SOAT2: variants seen among roughly 807,000 people sequenced by gnomAD.
SOAT2 encodes the protein ACAT-2.
SOAT2 carries 87 observed loss-of-function variants against 76.0 expected under a neutral mutation model. The ratio of observed to expected loss-of-function variants is 1.14; its 90% CI spans 0.96 to 1.37. The LOEUF (loss-of-function observed/expected upper bound fraction) is 1.37, where lower values mean the gene tolerates loss of function less well. Among genes scored for constraint, SOAT2 ranks in the 40% most tolerant of loss-of-function variants. The pLI is 0.00. For synonymous variants in SOAT2, 285 were observed against 275.4 expected (o/e 1.03, Z -0.34); for missense variants, 686 against 682.1 (o/e 1.01, Z -0.06).
chr12:53,108,220 C>T (rs1937964494), intron 5 of SOAT2, among the ~76,000 whole-genome samples: 1 of 152,092 alleles, frequency 6.6e-6, no homozygotes, highest in Non-Finnish European at 1.5e-5. Context: ...GGGTTCCTGG[C>T]CTGTCAGAAA....
chr12:53,122,978 C>T lies in SOAT2; in HGVS notation c.1237-103C>T. On this transcript the variant is annotated intron_variant, in intron 12 of 14. Transcript: ENST00000301466. Reference sequence around the variant, plus strand: ...GGCGGGGGGCTGACCCCCCCACCTCCCTGCCGGACTGGGCGGCTGGCCGGG... The same window carrying T: ...GGCGGGGGGCTGACCCCCCCACCTCTCTGCCGGACTGGGCGGCTGGCCGGG... 7 of 1,307,898 alleles carry T rather than the reference C, an allele frequency of 5.4e-6. No individual in the cohort carries two copies. In the South Asian group the frequency reaches 9.8e-5, roughly 18 times the overall value. 81.0% of individuals were successfully genotyped at this position (1,307,898 alleles called of 1,614,324 possible).
rs1303838303 is a variant in SOAT2 at position 53,107,622 on chromosome 12, C to CTTTTTTTTTTTTT, written c.443+1614_443+1626dup. Among the ~76,000 whole-genome samples the CTTTTTTTTTTTTT allele has an allele frequency of 5.7e-3, 668 of 116,898 alleles. 84 individuals are homozygous for CTTTTTTTTTTTTT. Among genetic ancestry groups the CTTTTTTTTTTTTT allele is most frequent in the African/African-American group, 0.022 (594 of 27,108 alleles). The allele number at this position is 116,898 out of a possible 152,430, so 76.7% of individuals were successfully genotyped here. On this transcript the variant is annotated intron_variant, in intron 5 of 14. Transcript: ENST00000301466. Reference sequence around the variant, plus strand: ...AGACTAGAATTTAACAACAGATGTACTTTTTTTTTTTTTTTTTTGAGACAG... The same window carrying CTTTTTTTTTTTTT: ...AGACTAGAATTTAACAACAGATGTACTTTTTTTTTTTTTTTTTTTTTTTTTTTTTTTGAGACAG...
chr12:53,120,220 A>G (rs1216771555), intron 10 of SOAT2, among the ~76,000 whole-genome samples: 1 of 152,190 alleles, frequency 6.6e-6, no homozygotes, highest in African/African-American at 2.4e-5. Flanking sequence ...CTGTAATCCC[A>G]GCACTTTGGG....
At chr12:53,105,306 C>A in intron 3 of SOAT2, 63 bp downstream of exon 3, 3 of 1,546,486 alleles carry the variant, frequency 1.9e-6, no homozygotes, top group South Asian at 2.4e-5. Context: ...AGAAACATCA[C>A]GTTATGTGCC....
intron 5 of SOAT2, among the ~76,000 whole-genome samples, chr12:53,114,644 C>A (rs2121285053): frequency 6.6e-6 from 1 of 152,244 alleles, no homozygotes; most frequent in Admixed American, 6.5e-5. Flanking sequence ...TTGTTTGAAC[C>A]CGGGAGGCGG....
chr12:53,116,643 C>T (rs1305410979), intron 7 of SOAT2, among the ~76,000 whole-genome samples: 2 of 152,102 alleles, frequency 1.3e-5, no homozygotes, highest in Non-Finnish European at 2.9e-5. Context: ...ACAGGAGGAT[C>T]GTTTGAGCCC....
intron 8 of SOAT2, 23 bp from the exon 9 acceptor site, chr12:53,118,865 CAT>C: frequency 6.2e-7 from 1 of 1,613,570 alleles, no homozygotes; most frequent in Non-Finnish European, 8.5e-7. Context: ...GAATGAGAAA[CAT>C]ATTGTCCCCA....
intron 5 of SOAT2, among the ~76,000 whole-genome samples, chr12:53,107,780 G>C (rs1489186953): frequency 6.6e-6 from 1 of 151,932 alleles, no homozygotes; most frequent in Non-Finnish European, 1.5e-5. Flanking sequence ...GTGTTACTGT[G>C]TTCGGCTCAT....
intron 8 of SOAT2, 86 bp from the exon 9 acceptor site, chr12:53,118,804 G>C (rs1565628524): frequency 1.4e-6 from 2 of 1,454,146 alleles, no homozygotes; most frequent in Non-Finnish European, 1.9e-6. Context: ...GGGAACTGAG[G>C]AGAGAGGGCC....
chr12:53,104,053 C>A, intron 1 of SOAT2, 98 bp from the exon 2 acceptor site: 1 of 1,012,000 alleles, frequency 9.9e-7, no homozygotes, highest in Non-Finnish European at 1.6e-6. Flanking sequence ...GTGAGGGCAG[C>A]TGCTGAGCAC....
chr12:53,116,680 G>A (rs919578826), intron 7 of SOAT2, among the ~76,000 whole-genome samples: 2 of 152,066 alleles, frequency 1.3e-5, no homozygotes, highest in Non-Finnish European at 2.9e-5. Context: ...CCTGAGCAAC[G>A]TAGTGAGATG....
intron 10 of SOAT2, among the ~76,000 whole-genome samples, chr12:53,119,595 G>A (rs1938159750): frequency 6.8e-6 from 1 of 147,472 alleles, no homozygotes; most frequent in Admixed American, 6.7e-5. Context: ...GATCAGATAT[G>A]AACCCTTGAT....
chr12:53,120,905 G>T (rs1364725179), intron 11 of SOAT2, 22 bp downstream of exon 11: 1 of 1,582,500 alleles, frequency 6.3e-7, no homozygotes, highest in East Asian at 2.2e-5. Context: ...ACCTAGGCCA[G>T]TTGGAAGCTG....
intron 10 of SOAT2, 48 bp from the exon 11 acceptor site, chr12:53,120,738 G>T (rs1425587789): frequency 5.8e-6 from 8 of 1,381,930 alleles, no homozygotes; most frequent in Non-Finnish European, 7.2e-6. Context: ...CTGCCTGTGG[G>T]TCCATGTGGG....
rs1439905372 is a variant in SOAT2, at chr12:53,123,223, T to C, written c.1372+7T>C. The C allele has an allele frequency of 6.2e-7, 1 of 1,613,594 alleles. No individual in the cohort carries two copies. Among genetic ancestry groups the C allele is most frequent in the Non-Finnish European group, 8.5e-7 (1 of 1,179,898 alleles). ...CTCTTCCTTGTCATTGGAGGTGAGC[T>C]GGTCTCTGTGCCACTGGAAGGGAGC... On this transcript the variant is annotated splice_region_variant and intron_variant, in intron 13 of 14. Coordinates refer to ENST00000301466, the MANE Select transcript of SOAT2 (RefSeq NM_003578.4).
chr12:53,123,611 G>T (rs1938228769), intron 13 of SOAT2, 117 bp from the exon 14 acceptor site: 5 of 1,257,188 alleles, frequency 4.0e-6, no homozygotes, highest in Middle Eastern at 1.9e-4. Context: ...CTGAGTTCAA[G>T]ATCTTCTCCA....
intron 7 of SOAT2, 35 bp from the exon 8 acceptor site, chr12:53,118,315 G>A (rs822681): frequency 0.087 from 123,870 of 1,422,338 alleles, 10,218 homozygotes; most frequent in African/African-American, 0.42. Context: ...CTCTGCCCTT[G>A]CCCTTACTAA....
chr12:53,104,972 G>C, intron 2 of SOAT2, 135 bp from the exon 3 acceptor site: 44 of 972,430 alleles, frequency 4.5e-5, no homozygotes, highest in Middle Eastern at 3.4e-4. Context: ...CCCCATCCCT[G>C]CTGACCCCCC....
rs1046566220 is a variant in SOAT2, at chr12:53,122,988, T to A, written c.1237-93T>A. 2.7e-5 allele frequency: 36 copies of A among 1,357,262 alleles called. No individual in the cohort carries two copies. In the East Asian group the frequency reaches 6.2e-4, roughly 23 times the overall value. The allele number at this position is 1,357,262 out of a possible 1,614,324, so 84.1% of individuals were successfully genotyped here. The stretch of plus-strand genomic sequence containing the variant: ...TGACCCCCCCACCTCCCTGCCGGAC[T>A]GGGCGGCTGGCCGGGCGGGGGGCTG... On this transcript the variant is annotated intron_variant, in intron 12 of 14. Coordinates refer to ENST00000301466, the MANE Select transcript of SOAT2 (RefSeq NM_003578.4).
Sources: gnomAD v4.1 joint callset for allele counts (sites outside exome capture counted in the v4.1 genomes callset) on GRCh38, gnomAD v4.1.1 for gene constraint, MANE v1.5 for transcripts, NCBI Gene and HGNC (gene_info 2026-07-23, HGNC 2026-07-21) for gene names.